The following LRP1B variants were observed in gnomAD, a reference collection of about 807,000 sequenced individuals.
LRP1B encodes LDL receptor related protein 1B, also known as low-density lipoprotein receptor-related protein 1B.
Under a neutral mutation model 556.6 loss-of-function variants are expected in LRP1B, and 217 were observed. That is an observed-to-expected ratio of 0.39 (90% confidence interval 0.35 to 0.44). LRP1B has a LOEUF of 0.44. Ranked by LOEUF, LRP1B falls within the 20% of genes least tolerant of loss-of-function variation. The pLI, the probability that LRP1B is intolerant of heterozygous loss-of-function variation, is 1.00. For missense variants in LRP1B, 5,053 were observed against 5,620.8 expected, an observed-to-expected ratio of 0.90 and a Z score of 3.23; for synonymous variants, 2,047 against 1,865.8, an observed-to-expected ratio of 1.10 and a Z score of -2.50.
chr2:140,666,481 A>G (rs1284491919), intron 41 of LRP1B, among the ~76,000 whole-genome samples: 1 of 152,120 alleles, frequency 6.6e-6, no homozygotes, highest in Non-Finnish European at 1.5e-5. Context: ...TAAGCGATCC[A>G]TACAAACATA....
intron 77 of LRP1B, among the ~76,000 whole-genome samples, chr2:140,342,225 C>T (rs1255824886): frequency 6.6e-6 from 1 of 150,666 alleles, no homozygotes; most frequent in African/African-American, 2.4e-5. Flanking sequence ...CTCACATTTC[C>T]TGTTAGGCAA....
intron 3 of LRP1B, among the ~76,000 whole-genome samples, chr2:141,415,838 A>C (rs978687176): frequency 4.6e-5 from 7 of 152,238 alleles, no homozygotes; most frequent in Non-Finnish European, 1.0e-4. Flanking sequence ...AAATGTAATA[A>C]AGAAAGTTCT....
chr2:141,459,199 T>C (rs1681758468), intron 3 of LRP1B, among the ~76,000 whole-genome samples: 1 of 152,168 alleles, frequency 6.6e-6, no homozygotes, highest in South Asian at 2.1e-4. Context: ...ATTACACAAG[T>C]GTCTTCAACT....
intron 2 of LRP1B, among the ~76,000 whole-genome samples, chr2:141,744,999 G>A (rs571348467): frequency 6.6e-6 from 1 of 152,256 alleles, no homozygotes; most frequent in South Asian, 2.1e-4. Flanking sequence ...GGATTACCAG[G>A]CAGAGACCCT....
intron 1 of LRP1B, among the ~76,000 whole-genome samples, chr2:141,811,205 T>C (rs1382635719): frequency 6.6e-6 from 1 of 152,138 alleles, no homozygotes; most frequent in Non-Finnish European, 1.5e-5. Context: ...TTAATATGTC[T>C]GAAATAGGAA....
chr2:140,441,862 A>T (rs1686440059), intron 66 of LRP1B, among the ~76,000 whole-genome samples: 1 of 152,212 alleles, frequency 6.6e-6, no homozygotes, highest in African/African-American at 2.4e-5. Flanking sequence ...AATACTCTTG[A>T]TTTCTGTCTC....
chr2:141,815,101 T>G (rs1696490236), intron 1 of LRP1B, among the ~76,000 whole-genome samples: 1 of 151,916 alleles, frequency 6.6e-6, no homozygotes, highest in Non-Finnish European at 1.5e-5. Flanking sequence ...GAAGAGAGAC[T>G]AGAGGCCCAA....
At chr2:140,770,657 A>G (rs1382416357) in intron 34 of LRP1B, among the ~76,000 whole-genome samples, 1 of 152,108 alleles carries the variant, frequency 6.6e-6, no homozygotes, top group Non-Finnish European at 1.5e-5. Context: ...AGCAGTTGCT[A>G]AAATGACTAA....
At chr2:140,696,603 G>T (rs1235682320) in intron 41 of LRP1B, among the ~76,000 whole-genome samples, 1 of 152,130 alleles carries the variant, frequency 6.6e-6, no homozygotes, top group Non-Finnish European at 1.5e-5. Context: ...TGGCTTGTTA[G>T]GAGCCAGGAG....
intron 1 of LRP1B, among the ~76,000 whole-genome samples, chr2:141,917,700 C>T (rs1369747617): frequency 6.6e-6 from 1 of 152,150 alleles, no homozygotes; most frequent in African/African-American, 2.4e-5. Context: ...ACTGCTGCAG[C>T]TTTTGAGTTT....
intron 31 of LRP1B, among the ~76,000 whole-genome samples, chr2:140,819,473 G>T (rs1691244031): frequency 1.3e-5 from 2 of 151,948 alleles, no homozygotes; most frequent in Admixed American, 6.6e-5. Flanking sequence ...ATCAACAAAA[G>T]AACTTTCAAA....
intron 7 of LRP1B, among the ~76,000 whole-genome samples, chr2:141,115,656 TG>T (rs1357393857): frequency 1.1e-4 from 13 of 122,758 alleles, no homozygotes; most frequent in African/African-American, 2.6e-4. Flanking sequence ...TGTGTGTGTG[TG>T]TTTTTTAGTA....
intron 1 of LRP1B, among the ~76,000 whole-genome samples, chr2:141,884,641 C>T (rs1375233748): frequency 1.3e-5 from 2 of 152,146 alleles, no homozygotes; most frequent in African/African-American, 2.4e-5. Context: ...TTTAAACATA[C>T]TCATGTTAAA....
intron 20 of LRP1B, among the ~76,000 whole-genome samples, chr2:140,931,608 T>C (rs1372842421): frequency 6.6e-6 from 1 of 152,176 alleles, no homozygotes; most frequent in Admixed American, 6.6e-5. Context: ...ATCTTTAGTG[T>C]TCAAAACAGA....
intron 1 of LRP1B, among the ~76,000 whole-genome samples, chr2:142,010,151 G>T (rs1048742988): frequency 5.3e-5 from 8 of 151,894 alleles, no homozygotes; most frequent in Non-Finnish European, 1.2e-4. Context: ...TGAGGGGGAG[G>T]GTTTACTAGT....
chr2:141,607,712 C>T (rs962279198), intron 2 of LRP1B, among the ~76,000 whole-genome samples: 79 of 151,522 alleles, frequency 5.2e-4, no homozygotes, highest in Admixed American at 4.5e-3. Context: ...TGTTTGAGTT[C>T]AGGAGTTCGA....
At chr2:141,445,664 C>T (rs189095616) in intron 3 of LRP1B, among the ~76,000 whole-genome samples, 9 of 152,180 alleles carry the variant, frequency 5.9e-5, no homozygotes, top group Admixed American at 5.9e-4. Context: ...TTATTTCTGC[C>T]TTAATTTTGT....
intron 41 of LRP1B, among the ~76,000 whole-genome samples, chr2:140,677,702 G>A (rs972873634): frequency 1.4e-5 from 2 of 138,820 alleles, no homozygotes; most frequent in Non-Finnish European, 3.2e-5. Context: ...GTGAAACCCC[G>A]TCTCTACTAA....
At chr2:141,226,443 A>G (rs1314100117) in intron 6 of LRP1B, among the ~76,000 whole-genome samples, 1 of 152,194 alleles carries the variant, frequency 6.6e-6, no homozygotes, top group African/African-American at 2.4e-5. Flanking sequence ...CTATTATATT[A>G]TTATGGAAGT....
Sources: gnomAD v4.1 joint callset for allele counts (sites outside exome capture counted in the v4.1 genomes callset) on GRCh38, gnomAD v4.1.1 for gene constraint, MANE v1.5 for transcripts, NCBI Gene and HGNC (gene_info 2026-07-23, HGNC 2026-07-21) for gene names.